WDR49: variants seen among roughly 807,000 people sequenced by gnomAD.
WDR49 encodes the protein cilia- and flagella-associated protein 337.
Under a neutral mutation model 119.5 loss-of-function variants are expected in WDR49, and 107 were observed. The observed-to-expected ratio is 0.90, with a 90% confidence interval of 0.77 to 1.05. The LOEUF (loss-of-function observed/expected upper bound fraction) is 1.05, where lower values mean the gene tolerates loss of function less well. WDR49 is among the 50% of genes least tolerant of loss of function. WDR49 has a pLI of 0.00. For missense variants in WDR49, 1,240 were observed against 1,220.5 expected (o/e 1.02, Z -0.24); for synonymous variants, 425 against 418.8 (o/e 1.01, Z -0.18).
At position 167,614,125 on chromosome 3, in the gene WDR49, C is replaced by T. The variant is rs113741125; in HGVS notation, c.958+6304G>A. Among the ~76,000 whole-genome samples the T allele has an allele frequency of 2.2e-3, 340 of 152,202 alleles. 4 individuals carry two copies. The highest frequency in any genetic ancestry group is 0.013 in the South Asian group (62 of 4,824). Reference sequence around the variant, plus strand: ...CCTCCTGCGTCCCGCGATGGAGTCTCGCTCTCTCGCCCAGGTTGGAGTGCT... The same window carrying T: ...CCTCCTGCGTCCCGCGATGGAGTCTTGCTCTCTCGCCCAGGTTGGAGTGCT... On this transcript the variant is annotated intron_variant, in intron 5 of 18. Coordinates refer to ENST00000682715, the MANE Select transcript of WDR49 (RefSeq NM_001366157.1).
chr3:167,615,063 A>G lies in WDR49; in HGVS notation c.958+5366T>C, dbSNP rs78184321. Among the ~76,000 whole-genome samples the G allele has an allele frequency of 3.5e-3, 534 of 152,332 alleles. 1 individual carries two copies. Among genetic ancestry groups the G allele is most frequent in the Non-Finnish European group, 5.3e-3 (363 of 68,022 alleles). On this transcript the variant is annotated intron_variant, in intron 5 of 18. Coordinates refer to ENST00000682715, the MANE Select transcript of WDR49 (RefSeq NM_001366157.1). ...TCCTGTCTTTTCTCGTATTGAAATC[A>G]CTGAGCTTCAAACAACAACAGAAAG...
chr3:167,647,653 C>G (rs992134588), intron 2 of WDR49, among the ~76,000 whole-genome samples: 1 of 152,046 alleles, frequency 6.6e-6, no homozygotes, highest in Non-Finnish European at 1.5e-5. Context: ...TTTGATTGCA[C>G]TAAGAGCAAT....
At position 167,482,496 on chromosome 3, in the gene WDR49, C is replaced by T. The variant is rs576695764; in HGVS notation, c.3032-3500G>A. Among the ~76,000 whole-genome samples the T allele has an allele frequency of 5.4e-3, 776 of 144,560 alleles. 6 individuals are homozygous for T. Among genetic ancestry groups the T allele is most frequent in the African/African-American group, 0.019 (751 of 39,588 alleles). The allele number at this position is 144,560 out of a possible 152,430, so 94.8% of individuals were successfully genotyped here. A position where few individuals can be genotyped will look rare whatever the true frequency, so the allele number is the denominator to read the frequency against. ...CATCCTGGCTAACATGGTGAAACCCCGTCTCTACTAAAAAAAAAAAAAAAT... is the reference window on the plus strand; with the variant it reads ...CATCCTGGCTAACATGGTGAAACCCTGTCTCTACTAAAAAAAAAAAAAAAT... On this transcript the variant is annotated intron_variant, in intron 18 of 18. Transcript: ENST00000682715.
At chr3:167,542,213 C>T (rs151197314) in intron 10 of WDR49, among the ~76,000 whole-genome samples, 4 of 152,058 alleles carry the variant, frequency 2.6e-5, no homozygotes, top group Admixed American at 6.6e-5. Context: ...TGCACTGACA[C>T]GAGTAAACAG....
intron 8 of WDR49, among the ~76,000 whole-genome samples, chr3:167,574,141 T>C (rs912472165): frequency 2.0e-5 from 3 of 152,234 alleles, no homozygotes; most frequent in Non-Finnish European, 2.9e-5. Context: ...AATCCTGTGA[T>C]GAGCACCTGT....
chr3:167,647,386 G>A (rs1577300116), intron 2 of WDR49, among the ~76,000 whole-genome samples: 1 of 152,204 alleles, frequency 6.6e-6, no homozygotes, highest in African/African-American at 2.4e-5. Flanking sequence ...GCAGGAAGCT[G>A]TTAGAACTTG....
At chr3:167,571,430 C>T (rs1713932345) in intron 8 of WDR49, among the ~76,000 whole-genome samples, 1 of 152,056 alleles carries the variant, frequency 6.6e-6, no homozygotes, top group South Asian at 2.1e-4. Context: ...ATTGCATATC[C>T]TTTAGCCTAG....
chr3:167,509,151 T>G (rs993130210), intron 16 of WDR49, among the ~76,000 whole-genome samples: 3 of 152,190 alleles, frequency 2.0e-5, no homozygotes, highest in African/African-American at 7.2e-5. Context: ...CCCTTCCAGA[T>G]AAGCAATTTT....
chr3:167,550,763 G>GTTT (rs1308991677), intron 10 of WDR49, among the ~76,000 whole-genome samples: 15 of 135,722 alleles, frequency 1.1e-4, no homozygotes, highest in African/African-American at 3.0e-4. Flanking sequence ...GAACTAGGAG[G>GTTT]TTTTTTTTTT....
Position 167,651,720 on chromosome 3 carries a change from C to T in WDR49, c.165+1541G>A, listed in dbSNP as rs528602251. ...GTCCATTAGTTCCTGCTTTTCCAACCGGTAATGTCAAAATAAGTGGTCTGG... is the reference window on the plus strand; with the variant it reads ...GTCCATTAGTTCCTGCTTTTCCAACTGGTAATGTCAAAATAAGTGGTCTGG... On this transcript the variant is annotated intron_variant, in intron 2 of 18. Coordinates refer to ENST00000682715, the MANE Select transcript of WDR49 (RefSeq NM_001366157.1). Among the ~76,000 whole-genome samples, 226 of 152,056 alleles carry T rather than the reference C, an allele frequency of 1.5e-3. 2 individuals are homozygous for T. The highest frequency in any genetic ancestry group is 5.1e-3 in the African/African-American group (210 of 41,466).
At chr3:167,572,255 C>A (rs1444472664) in intron 8 of WDR49, among the ~76,000 whole-genome samples, 1 of 152,166 alleles carries the variant, frequency 6.6e-6, no homozygotes, top group Non-Finnish European at 1.5e-5. Context: ...TATATGATTT[C>A]CTTTAAAAGG....
At position 167,484,880 on chromosome 3, in the gene WDR49, A is replaced by G. The variant is rs149026619; in HGVS notation, c.3032-5884T>C. Among the ~76,000 whole-genome samples, 605 of 152,258 alleles carry G rather than the reference A, an allele frequency of 4.0e-3. 3 individuals are homozygous for G. The highest frequency in any genetic ancestry group is 0.014 in the African/African-American group (565 of 41,548). On this transcript the variant is annotated intron_variant, in intron 18 of 18. Coordinates refer to ENST00000682715, the MANE Select transcript of WDR49 (RefSeq NM_001366157.1). ...AGGACTATAAATCATTCTACTATAAAGACATATGCACACGTATGTTTATTG... is the reference window on the plus strand; with the variant it reads ...AGGACTATAAATCATTCTACTATAAGGACATATGCACACGTATGTTTATTG...
intron 10 of WDR49, among the ~76,000 whole-genome samples, chr3:167,548,488 T>C (rs545442228): frequency 4.4e-4 from 67 of 152,122 alleles, no homozygotes; most frequent in Non-Finnish European, 6.8e-4. Context: ...TCTCCTGCAA[T>C]GGGCAGAGAT....
intron 1 of WDR49, 37 bp from the exon 2 acceptor site, chr3:167,653,536 A>G: frequency 3.8e-6 from 5 of 1,315,642 alleles, no homozygotes; most frequent in Non-Finnish European, 4.0e-6. Context: ...CAGAATTCCA[A>G]AATGAAAGTA....
chr3:167,529,304 G>A, intron 13 of WDR49, 65 bp from the exon 14 acceptor site: 1 of 1,441,374 alleles, frequency 6.9e-7, no homozygotes, highest in Non-Finnish European at 9.3e-7. Flanking sequence ...AACTTCTTCA[G>A]TGGCTTTCCC....
At chr3:167,566,028 T>G (rs1713575871) in intron 8 of WDR49, among the ~76,000 whole-genome samples, 1 of 152,118 alleles carries the variant, frequency 6.6e-6, no homozygotes, top group South Asian at 2.1e-4. Context: ...CTGTGTAAAG[T>G]ACTGAGAACT....
rs115567714 is a variant in WDR49 at position 167,651,935 on chromosome 3, C to A, written c.165+1326G>T. Reference sequence around the variant, plus strand: ...CCTAATAGGCCCTAGCATTCAAATTCTTTGTGTTCTTAGCACCGGAACAAA... The same window carrying A: ...CCTAATAGGCCCTAGCATTCAAATTATTTGTGTTCTTAGCACCGGAACAAA... On this transcript the variant is annotated intron_variant, in intron 2 of 18. Coordinates refer to ENST00000682715, the MANE Select transcript of WDR49 (RefSeq NM_001366157.1). Among the ~76,000 whole-genome samples the A allele has an allele frequency of 1.8e-3, 277 of 152,264 alleles. 1 individual carries two copies. The highest frequency in any genetic ancestry group is 6.3e-3 in the African/African-American group (262 of 41,558).
At chr3:167,496,219 A>G (rs959113022) in intron 18 of WDR49, among the ~76,000 whole-genome samples, 7 of 148,054 alleles carry the variant, frequency 4.7e-5, no homozygotes, top group African/African-American at 1.8e-4. Flanking sequence ...TATATAATTC[A>G]GAATGATTGA....
At chr3:167,548,740 C>G (rs745625698) in intron 10 of WDR49, among the ~76,000 whole-genome samples, 1 of 152,026 alleles carries the variant, frequency 6.6e-6, no homozygotes, top group East Asian at 1.9e-4. Flanking sequence ...ATGTGCACAA[C>G]GTGCAGGTTT....
Sources: gnomAD v4.1 joint callset for allele counts (sites outside exome capture counted in the v4.1 genomes callset) on GRCh38, gnomAD v4.1.1 for gene constraint, MANE v1.5 for transcripts, NCBI Gene and HGNC (gene_info 2026-07-23, HGNC 2026-07-21) for gene names.